Variants in CSTF3 observed in about 807,000 individuals in gnomAD.
CSTF3 encodes cleavage stimulation factor subunit 3.
CSTF3 carries 29 observed loss-of-function variants against 105.8 expected under a neutral mutation model. The observed-to-expected ratio is 0.27, with a 90% confidence interval of 0.20 to 0.37. The LOEUF (loss-of-function observed/expected upper bound fraction) is 0.37. Ranked by LOEUF, CSTF3 falls within the 10% of genes least tolerant of loss-of-function variation. The probability of loss-of-function intolerance (pLI) is 1.00; values close to 1 mark genes in which losing one functional copy is unlikely to be tolerated. For synonymous variants in CSTF3, 252 were observed against 281.9 expected, an observed-to-expected ratio of 0.89 and a Z score of 1.06; for missense variants, 357 against 879.3, an observed-to-expected ratio of 0.41 and a Z score of 7.51.
intron 1 of CSTF3, among the ~76,000 whole-genome samples, chr11:33,150,055 CAAA>C (rs993122929): frequency 6.7e-6 from 1 of 148,208 alleles, no homozygotes; most frequent in African/African-American, 2.5e-5. Context: ...ACAACAACAA[CAAA>C]ACAAAAATTA....
intron 1 of CSTF3, among the ~76,000 whole-genome samples, chr11:33,142,989 A>C (rs1855732735): frequency 6.6e-6 from 1 of 152,210 alleles, no homozygotes; most frequent in Admixed American, 6.5e-5. Flanking sequence ...GATCCTCTGA[A>C]AGTCCTTAGG....
At chr11:33,159,287 GTCTC>G (rs1350765000) in intron 1 of CSTF3, among the ~76,000 whole-genome samples, 1 of 151,772 alleles carries the variant, frequency 6.6e-6, no homozygotes, top group East Asian at 1.9e-4. Flanking sequence ...GTGAATTCCT[GTCTC>G]TACAAAAAAA....
At chr11:33,085,614 G>T in intron 20 of CSTF3, 99 bp downstream of exon 20, 2 of 1,082,948 alleles carry the variant, frequency 1.8e-6, no homozygotes, top group Non-Finnish European at 2.8e-6. Flanking sequence ...AAATTGGCTG[G>T]CTGGTTTCGA....
rs537507442 is a variant in CSTF3 at position 33,129,542 on chromosome 11, T to C, written c.225+12125A>G. Among the ~76,000 whole-genome samples, 14 of 152,186 alleles carry C rather than the reference T, an allele frequency of 9.2e-5. 1 individual carries two copies. Among genetic ancestry groups the C allele is most frequent in the Non-Finnish European group, 1.8e-4 (12 of 68,030 alleles). On this transcript the variant is annotated intron_variant, in intron 3 of 20. Transcript: ENST00000323959. ...ACTATTGAAAAAAAGGTGTTAATAC[T>C]TTGGACAATTTTATGTGACTATAAT...
At chr11:33,128,271 T>G (rs1855565021) in intron 3 of CSTF3, among the ~76,000 whole-genome samples, 1 of 152,130 alleles carries the variant, frequency 6.6e-6, no homozygotes, top group South Asian at 2.1e-4. Context: ...TTTTCCTCAA[T>G]CGCTATGAAG....
intron 3 of CSTF3, among the ~76,000 whole-genome samples, chr11:33,124,993 T>C (rs1855529509): frequency 6.6e-6 from 1 of 152,210 alleles, no homozygotes. Flanking sequence ...ATGTGTCCAG[T>C]TGTGAATTTT....
Position 33,105,866 on chromosome 11 carries a change from A to G in CSTF3, c.458+17T>C. On this transcript the variant is annotated intron_variant, in intron 7 of 20. Coordinates refer to ENST00000323959, the MANE Select transcript of CSTF3 (RefSeq NM_001326.3). ...AAATCAACTGTAGATGTAAAAAAAA[A>G]CTATACAAATACTTACACGCCTTTT... The G allele has an allele frequency of 1.3e-6, 2 of 1,554,870 alleles. No homozygotes were observed. The highest frequency in any genetic ancestry group is 8.7e-7 in the Non-Finnish European group (1 of 1,148,978).
intron 8 of CSTF3, among the ~76,000 whole-genome samples, chr11:33,105,009 A>G (rs766977280): frequency 6.6e-6 from 1 of 152,180 alleles, no homozygotes; most frequent in Non-Finnish European, 1.5e-5. Context: ...TCGGCCTCCC[A>G]AAGTGCTGGG....
intron 18 of CSTF3, 81 bp from the exon 19 acceptor site, chr11:33,086,070 A>G: frequency 1.1e-6 from 1 of 877,680 alleles, no homozygotes; most frequent in Non-Finnish European, 1.6e-6. Context: ...TTGCACATAA[A>G]GATCTTCCAT....
intron 1 of CSTF3, among the ~76,000 whole-genome samples, chr11:33,147,255 C>T (rs1855795748): frequency 1.3e-5 from 2 of 151,842 alleles, no homozygotes; most frequent in Admixed American, 1.3e-4. Context: ...TAAGGCTGCG[C>T]CACTGCACTC....
At chr11:33,112,060 C>T (rs950523429) in intron 3 of CSTF3, among the ~76,000 whole-genome samples, 9 of 152,132 alleles carry the variant, frequency 5.9e-5, no homozygotes, top group African/African-American at 2.2e-4. Context: ...TCGAGACCAG[C>T]CTGGCCAACG....
chr11:33,121,858 A>G (rs1855492993), intron 3 of CSTF3, among the ~76,000 whole-genome samples: 2 of 152,330 alleles, frequency 1.3e-5, no homozygotes, highest in Middle Eastern at 3.4e-3. Context: ...CATGACTACT[A>G]TAACAGGTCA....
intron 3 of CSTF3, among the ~76,000 whole-genome samples, chr11:33,115,489 C>T (rs932913319): frequency 2.0e-5 from 3 of 152,140 alleles, no homozygotes; most frequent in African/African-American, 7.2e-5. Flanking sequence ...ATTCTTCTTT[C>T]CACCACCCAC....
chr11:33,149,018 C>G (rs1462029455), intron 1 of CSTF3, among the ~76,000 whole-genome samples: 1 of 151,970 alleles, frequency 6.6e-6, no homozygotes, highest in African/African-American at 2.4e-5. Context: ...GTAATATATA[C>G]TTAATACATC....
At position 33,098,761 on chromosome 11, in the gene CSTF3, G is replaced by T; in HGVS notation, c.1057C>A (p.Arg353Ser). The change falls in exon 13 of 21, where the codon CGC (arginine) becomes AGC (serine). Residue 353 changes from arginine (R) to serine (S), a missense_variant. Physicochemically the swap from Arg to Ser is moderately radical, Grantham distance 110. This residue lies in a region of CSTF3 where 206 missense variants were observed against 576.5 expected (regional missense o/e 0.36). Coordinates refer to ENST00000323959, the MANE Select transcript of CSTF3 (RefSeq NM_001326.3). Reference sequence around the variant, plus strand: ...CTGTGAACCTTTTCATACTTCATGCGACTCTAAGGTGGTACAGAAGAAGTG... The same window carrying T: ...CTGTGAACCTTTTCATACTTCATGCTACTCTAAGGTGGTACAGAAGAAGTG... Reference protein sequence around the residue: ...YFAYADYEESRMKYEKVHSIY... With the variant: ...YFAYADYEESSMKYEKVHSIY... 6.5e-7 allele frequency: 1 copy of T among 1,527,502 alleles called. No homozygotes were observed. The highest frequency in any genetic ancestry group is 8.7e-7 in the Non-Finnish European group (1 of 1,146,306). The allele number at this position is 1,527,502 out of a possible 1,614,324, so 94.6% of individuals were successfully genotyped here. A position where few individuals can be genotyped will look rare whatever the true frequency, so the allele number is the denominator to read the frequency against.
rs1043258563 is a variant in CSTF3 at position 33,108,486 on chromosome 11, A to T, written c.226-68T>A. The T allele has an allele frequency of 1.8e-5, 23 of 1,253,332 alleles. No individual in the cohort carries two copies. The African/African-American group carries it at 2.8e-4, about 15-fold the overall frequency. 77.6% of individuals were successfully genotyped at this position (1,253,332 alleles called of 1,614,324 possible). ...AGAGCATCAGTCTGAATTTTTGACC[A>T]ATTTTTAACCAACTTTGCAAATTCA... On this transcript the variant is annotated intron_variant, in intron 3 of 20. Transcript: ENST00000323959.
chr11:33,159,896 C>T (rs895416516), intron 1 of CSTF3, among the ~76,000 whole-genome samples: 1 of 152,066 alleles, frequency 6.6e-6, no homozygotes, highest in Non-Finnish European at 1.5e-5. Flanking sequence ...CTAAACTTTG[C>T]ACAATAAAAC....
intron 1 of CSTF3, among the ~76,000 whole-genome samples, chr11:33,145,185 A>C (rs1855766077): frequency 6.6e-6 from 1 of 152,218 alleles, no homozygotes; most frequent in Non-Finnish European, 1.5e-5. Flanking sequence ...CAATCTCAGC[A>C]CTTTGGGGTT....
chr11:33,137,720 C>G (rs1855670066), intron 3 of CSTF3, among the ~76,000 whole-genome samples: 2 of 151,580 alleles, frequency 1.3e-5, no homozygotes, highest in African/African-American at 4.8e-5. Flanking sequence ...CATGGACCAA[C>G]ATTTATTACA....
Sources: gnomAD v4.1 joint callset for allele counts (sites outside exome capture counted in the v4.1 genomes callset) on GRCh38, gnomAD v4.1.1 for gene constraint, gnomAD v4.1.1 regional missense constraint, MANE v1.5 for transcripts, NCBI Gene and HGNC (gene_info 2026-07-23, HGNC 2026-07-21) for gene names.